The following SUN3 variants were observed in gnomAD, a reference collection of about 807,000 sequenced individuals.
SUN3 encodes Sad1 and UNC84 domain containing 3, also known as SUN domain-containing protein 3.
Under a neutral mutation model 48.2 loss-of-function variants are expected in SUN3, and 36 were observed. The observed-to-expected ratio is 0.75, with a 90% CI of 0.57 to 0.99. The LOEUF (loss-of-function observed/expected upper bound fraction) is 0.99, where lower values mean the gene tolerates loss of function less well. Ranked by LOEUF, SUN3 falls within the 50% of genes least tolerant of loss-of-function variation. The pLI is 0.00. For synonymous variants in SUN3, 148 were observed against 147.9 expected, an observed-to-expected ratio of 1.00 and a Z score of 0.00; for missense variants, 419 against 433.1, an observed-to-expected ratio of 0.97 and a Z score of 0.29.
chr7:47,988,809 G>T lies in SUN3; in HGVS notation c.933C>A (p.Thr311=), dbSNP rs141242845. 1 of 1,605,028 alleles carries T rather than the reference G, an allele frequency of 6.2e-7. No homozygotes were observed. The highest frequency in any genetic ancestry group is 8.5e-7 in the Non-Finnish European group (1 of 1,174,728). The part of the protein sequence containing the change: ...GQFIYNKTGT[T]VQTFELQHAV... ...TTACCTGGAGTTCAAATGTTTGAAC[G>T]GTGGTTCCTGTTTTGTTATATATAA... Residue 311 remains threonine (T), a synonymous_variant, in exon 9 of 10, where the codon ACC becomes ACA. Transcript: ENST00000297325.
At chr7:47,993,756 C>G (rs1789130044) in intron 8 of SUN3, among the ~76,000 whole-genome samples, 1 of 152,058 alleles carries the variant, frequency 6.6e-6, no homozygotes, top group African/African-American at 2.4e-5. Context: ...GGATACACAA[C>G]TCTGTGAATA....
At chr7:48,006,352 A>G (rs1218853202) in intron 5 of SUN3, among the ~76,000 whole-genome samples, 2 of 152,094 alleles carry the variant, frequency 1.3e-5, no homozygotes, top group African/African-American at 4.8e-5. Flanking sequence ...CTGGCATCAC[A>G]GTGCTCTCCC....
upstream of SUN3, among the ~76,000 whole-genome samples, chr7:48,031,832 G>GCACACACACACACACACA (rs3073706): frequency 4.1e-4 from 59 of 142,372 alleles, no homozygotes; most frequent in Middle Eastern, 3.6e-3. Context: ...TGTGATTTAT[G>GCACACACACACACACACA]CACACACACA....
At chr7:48,012,953 T>C (rs11772387) in intron 3 of SUN3, among the ~76,000 whole-genome samples, 50,837 of 152,118 alleles carry the variant, frequency 0.33, 9,531 homozygotes, top group Middle Eastern at 0.53. Flanking sequence ...AAACATAGAA[T>C]GCACATGCCT....
chr7:48,002,763 G>A (rs1015104378), intron 6 of SUN3, among the ~76,000 whole-genome samples: 1 of 152,072 alleles, frequency 6.6e-6, no homozygotes, highest in African/African-American at 2.4e-5. Flanking sequence ...TCTTACTTTT[G>A]TTGCAATTGC....
chr7:47,993,211 G>A (rs1789114951), intron 8 of SUN3, among the ~76,000 whole-genome samples: 1 of 152,148 alleles, frequency 6.6e-6, no homozygotes, highest in African/African-American at 2.4e-5. Context: ...AAAACATTGA[G>A]TATTGCTTGA....
At chr7:48,011,298 T>C (rs561231740) in intron 3 of SUN3, among the ~76,000 whole-genome samples, 2 of 152,330 alleles carry the variant, frequency 1.3e-5, no homozygotes, top group South Asian at 2.1e-4. Flanking sequence ...TGGCTTTTTA[T>C]CAGTTAGCTC....
In SUN3 at chr7:47,987,408, G is replaced by T. The variant is rs951459717; in HGVS notation, c.996C>A (p.Ile332=). 5.6e-6 allele frequency: 9 copies of T among 1,600,366 alleles called. No homozygotes were observed. The highest frequency in any genetic ancestry group is 6.8e-6 in the Non-Finnish European group (8 of 1,173,762). Residue 332 remains isoleucine, a synonymous_variant, in exon 10 of 10, where the codon ATC becomes ATA. Coordinates refer to ENST00000297325, the MANE Select transcript of SUN3 (RefSeq NM_001030019.2). The stretch of plus-strand genomic sequence containing the variant: ...ACTTCGGGTGTCCCCAGTTGCTAAA[G>T]ATATTAAGTTTCACACATAATAAAT... ...SEYLLCVKLN[I]FSNWGHPKYT... is the part of the protein sequence containing the mutation.
At chr7:48,001,522 G>GTT (rs1286421253) in intron 6 of SUN3, among the ~76,000 whole-genome samples, 2,710 of 121,426 alleles carry the variant, frequency 0.022, 304 homozygotes, top group East Asian at 0.039. Context: ...TGTCTTTTCT[G>GTT]TTTTTTTTGT....
chr7:47,988,365 T>C (rs1788957596), intron 9 of SUN3, among the ~76,000 whole-genome samples: 1 of 152,194 alleles, frequency 6.6e-6, no homozygotes, highest in Non-Finnish European at 1.5e-5. Flanking sequence ...GAGTTTTACT[T>C]GTATTATCTG....
chr7:48,026,273 C>T (rs977776981), intron 1 of SUN3, among the ~76,000 whole-genome samples: 2 of 151,494 alleles, frequency 1.3e-5, no homozygotes, highest in Non-Finnish European at 2.9e-5. Flanking sequence ...CTGGAGGTCT[C>T]AAATGTAGAA....
In SUN3 at chr7:47,994,396, A is replaced by C. The variant is rs147110748; in HGVS notation, c.780T>G (p.Thr260=). The C allele has an allele frequency of 4.8e-3, 7,713 of 1,613,316 alleles. 27 individuals carry two copies. The highest frequency in any genetic ancestry group is 5.7e-3 in the Admixed American group (340 of 59,870). The change falls in exon 8 of 10, where the codon ACT becomes ACG. Residue 260 remains threonine, a synonymous_variant. Transcript: ENST00000297325. ...LIKLATKIIP[T]AVTMEHISEK... ...CTGAGATGTGCTCCATGGTAACAGC[A>C]GTTGGTATGATCTTTGTAGCAAGCT...
chr7:48,018,205 G>C (rs1789866708), intron 2 of SUN3, among the ~76,000 whole-genome samples: 1 of 152,140 alleles, frequency 6.6e-6, no homozygotes. Flanking sequence ...TCCCAGCTTA[G>C]AGCCAAGCTG....
At chr7:48,017,918 T>C (rs1789856938) in intron 2 of SUN3, among the ~76,000 whole-genome samples, 1 of 152,096 alleles carries the variant, frequency 6.6e-6, no homozygotes, top group African/African-American at 2.4e-5. Flanking sequence ...GAAGCCCAAC[T>C]GGGACAAAGG....
In SUN3 at chr7:48,028,804, C is replaced by T. The variant is rs2128785833; in HGVS notation, c.122+13G>A. On this transcript the variant is annotated intron_variant, in intron 1 of 9. Coordinates refer to ENST00000297325, the MANE Select transcript of SUN3 (RefSeq NM_001030019.2). ...TACAATTTCAGGCACACCGTTCTGC[C>T]ATGTTTACCTACCCATTCGCATCAG... 6.2e-7 allele frequency: 1 copy of T among 1,613,092 alleles called. No homozygotes were observed. The highest frequency in any genetic ancestry group is 8.5e-7 in the Non-Finnish European group (1 of 1,179,302).
In SUN3 at chr7:47,995,981, TAAG is replaced by T. The variant is rs375759556; in HGVS notation, c.693+47_693+49del. On this transcript the variant is annotated intron_variant, in intron 7 of 9. Coordinates refer to ENST00000297325, the MANE Select transcript of SUN3 (RefSeq NM_001030019.2). ...AAATTAACATTTTCATGATAAATAA[TAAG>T]AACAAAATTCTAAAATAGAAATAAG... 23 of 1,185,296 alleles carry T rather than the reference TAAG, an allele frequency of 1.9e-5. No homozygotes were observed. The African/African-American group carries it at 3.3e-4, about 17-fold the overall frequency. 73.4% of individuals were successfully genotyped at this position (1,185,296 alleles called of 1,614,324 possible). A position where few individuals can be genotyped will look rare whatever the true frequency, so the allele number is the denominator to read the frequency against.
At chr7:47,997,090 G>A (rs780524295) in intron 6 of SUN3, among the ~76,000 whole-genome samples, 28 of 151,858 alleles carry the variant, frequency 1.8e-4, no homozygotes, top group African/African-American at 2.4e-4. Flanking sequence ...GTGAGCCACC[G>A]CGCCCAGCTG....
At chr7:47,998,505 T>C (rs1351156355) in intron 6 of SUN3, among the ~76,000 whole-genome samples, 2 of 152,232 alleles carry the variant, frequency 1.3e-5, no homozygotes, top group Admixed American at 6.5e-5. Context: ...AGCCTGTAAC[T>C]TGTCTTTTCA....
intron 3 of SUN3, among the ~76,000 whole-genome samples, chr7:48,012,388 G>GTT (rs370669672): frequency 2.5e-4 from 36 of 142,542 alleles, no homozygotes; most frequent in East Asian, 4.1e-4. Context: ...TTTTTGTTTA[G>GTT]TTTTTTTTTT....
Sources: allele counts gnomAD v4.1 joint callset (sites outside exome capture counted in the v4.1 genomes callset), GRCh38; gene constraint gnomAD v4.1.1; transcripts MANE v1.5; gene names NCBI Gene and HGNC (gene_info 2026-07-23, HGNC 2026-07-21).